The following GPHN variants were observed in gnomAD, a reference collection of about 807,000 sequenced individuals.
GPHN encodes gephyrin.
Under a neutral mutation model 95.5 loss-of-function variants are expected in GPHN, and 17 were observed. The observed-to-expected ratio is 0.18, with a 90% CI of 0.12 to 0.27. The LOEUF (loss-of-function observed/expected upper bound fraction) is 0.27, where lower values mean the gene tolerates loss of function less well. Ranked by LOEUF, GPHN falls within the 10% of genes least tolerant of loss-of-function variation. The probability of loss-of-function intolerance (pLI) is 1.00; values close to 1 mark genes in which losing one functional copy is unlikely to be tolerated. For synonymous variants in GPHN, 320 were observed against 322.5 expected (o/e 0.99, Z 0.08); for missense variants, 660 against 978.1 (o/e 0.67, Z 4.34).
At chr14:67,352,751 T>C in the GPHN span, 6 of 548,444 alleles carry the variant, frequency 1.1e-5, 1 homozygote, top group Non-Finnish European at 1.9e-5. Context: ...ATTAAAGAGT[T>C]TGGATTTTAT....
intron 1 of GPHN, among the ~76,000 whole-genome samples, chr14:66,679,365 T>G (rs1160574682): frequency 6.6e-6 from 1 of 152,246 alleles, no homozygotes; most frequent in Non-Finnish European, 1.5e-5. Context: ...CTCTGACTGT[T>G]GTTAAAGTGT....
intron 1 of GPHN, among the ~76,000 whole-genome samples, chr14:66,581,252 T>C (rs938623072): frequency 4.6e-5 from 7 of 151,448 alleles, no homozygotes; most frequent in African/African-American, 1.7e-4. Flanking sequence ...AGATGTAAAT[T>C]ACTACATGAA....
the GPHN span, chr14:67,338,848 A>G: frequency 8.1e-7 from 1 of 1,232,238 alleles, no homozygotes; most frequent in Non-Finnish European, 1.1e-6. Context: ...TAACAAGGAT[A>G]ATAAACACAT....
At chr14:67,313,356 C>T in the GPHN span, among the ~76,000 whole-genome samples, 1 of 152,156 alleles carries the variant, frequency 6.6e-6, no homozygotes, top group Non-Finnish European at 1.5e-5. Flanking sequence ...GCAAACATCA[C>T]TGAGTGTATT....
At chr14:67,706,906 G>C in the GPHN span, among the ~76,000 whole-genome samples, 9 of 152,164 alleles carry the variant, frequency 5.9e-5, no homozygotes, top group African/African-American at 2.2e-4. Flanking sequence ...CTCATTTTTA[G>C]AAGGTTGTGA....
chr14:67,264,178 GTGTT>G, the GPHN span, among the ~76,000 whole-genome samples: 1 of 152,190 alleles, frequency 6.6e-6, no homozygotes, highest in South Asian at 2.1e-4. Flanking sequence ...TTATTTTAAA[GTGTT>G]TGTTAGGCCA....
the GPHN span, among the ~76,000 whole-genome samples, chr14:67,680,326 ACT>A: frequency 6.6e-6 from 1 of 152,208 alleles, no homozygotes; most frequent in African/African-American, 2.4e-5. Context: ...TCTGGAAATG[ACT>A]CAGCCTTTGT....
chr14:67,449,181 A>G, the GPHN span, among the ~76,000 whole-genome samples: 1 of 152,184 alleles, frequency 6.6e-6, no homozygotes, highest in African/African-American at 2.4e-5. Context: ...CTATCTGCAC[A>G]TTCCTCTCCA....
chr14:66,598,838 C>CA (rs375173931), intron 1 of GPHN, among the ~76,000 whole-genome samples: 6,481 of 103,486 alleles, frequency 0.063, 206 homozygotes, highest in Non-Finnish European at 0.1. Context: ...GACTCTGTCT[C>CA]AAAAAAAAAA....
chr14:66,941,613 G>A (rs951415809), intron 8 of GPHN, among the ~76,000 whole-genome samples: 4 of 151,810 alleles, frequency 2.6e-5, no homozygotes, highest in Admixed American at 2.0e-4. Context: ...TTCTCAATTG[G>A]CTTTTATGAG....
the GPHN span, among the ~76,000 whole-genome samples, chr14:67,272,254 C>T: frequency 2.0e-3 from 309 of 152,308 alleles, no homozygotes; most frequent in African/African-American, 7.0e-3. Context: ...CTATCTTCCA[C>T]TACTCTCTCG....
chr14:66,965,532 T>C (rs541717408), intron 9 of GPHN, among the ~76,000 whole-genome samples: 148 of 152,342 alleles, frequency 9.7e-4, no homozygotes, highest in Middle Eastern at 3.4e-3. Context: ...ATTCAAAATG[T>C]CTTACTCCTA....
chr14:67,362,810 A>G, the GPHN span, among the ~76,000 whole-genome samples: 1 of 152,208 alleles, frequency 6.6e-6, no homozygotes, highest in Non-Finnish European at 1.5e-5. Context: ...TTGTCAACCA[A>G]TATGCAGGTT....
At chr14:67,691,467 T>C in the GPHN span, 1 of 469,222 alleles carries the variant, frequency 2.1e-6, no homozygotes, top group Non-Finnish European at 3.8e-6. Context: ...CCAAATGACC[T>C]TCCAGATCCT....
the GPHN span, chr14:67,488,841 CAGAA>C: frequency 1.3e-5 from 2 of 152,270 alleles, no homozygotes; most frequent in African/African-American, 4.8e-5. Flanking sequence ...CCCCAGCACT[CAGAA>C]AGGCTCCTTT....
chr14:67,474,574 G>A, the GPHN span, among the ~76,000 whole-genome samples: 1 of 151,894 alleles, frequency 6.6e-6, no homozygotes, highest in Middle Eastern at 3.4e-3. Flanking sequence ...GTGTGTGCAT[G>A]CCATTTTTTA....
At chr14:67,429,246 T>A in the GPHN span, among the ~76,000 whole-genome samples, 1 of 151,506 alleles carries the variant, frequency 6.6e-6, no homozygotes, top group South Asian at 2.1e-4. Context: ...TTTTTTTTTT[T>A]TTGAGACAGA....
At chr14:67,154,134 T>C (rs2081444216) in intron 18 of GPHN, among the ~76,000 whole-genome samples, 1 of 152,178 alleles carries the variant, frequency 6.6e-6, no homozygotes, top group Non-Finnish European at 1.5e-5. Context: ...CTTATACCTC[T>C]CTCCTACTCA....
the GPHN span, among the ~76,000 whole-genome samples, chr14:67,282,555 G>A: frequency 6.6e-6 from 1 of 152,084 alleles, no homozygotes; most frequent in Non-Finnish European, 1.5e-5. Flanking sequence ...TAAAAGTACA[G>A]GGATGGAATT....
Sources: allele counts gnomAD v4.1 joint callset (sites outside exome capture counted in the v4.1 genomes callset), GRCh38; gene constraint gnomAD v4.1.1; transcripts MANE v1.5; gene names NCBI Gene and HGNC (gene_info 2026-07-23, HGNC 2026-07-21).